Variants in HECW1 observed in about 807,000 individuals in gnomAD.
HECW1 encodes HECT, C2 and WW domain containing E3 ubiquitin protein ligase 1.
In HECW1, 61 loss-of-function variants were observed where a neutral mutation model predicts 182.3. The observed-to-expected ratio is 0.33, with a 90% confidence interval of 0.27 to 0.41. The LOEUF (loss-of-function observed/expected upper bound fraction) is 0.41. Among genes scored for constraint, HECW1 ranks in the 10% least tolerant of loss-of-function variants. The pLI is 1.00. For missense variants in HECW1, 1,739 were observed against 2,108.9 expected, an observed-to-expected ratio of 0.82 and a Z score of 3.44; for synonymous variants, 859 against 832.6, an observed-to-expected ratio of 1.03 and a Z score of -0.55.
chr7:43,231,000 CTCTG>C (rs1294700694), intron 2 of HECW1, among the ~76,000 whole-genome samples: 6 of 152,204 alleles, frequency 3.9e-5, no homozygotes, highest in African/African-American at 1.2e-4. Flanking sequence ...ACACTGAATC[CTCTG>C]TCTGTTCTGT....
chr7:43,140,512 C>T (rs1431977927), intron 2 of HECW1, among the ~76,000 whole-genome samples: 1 of 152,204 alleles, frequency 6.6e-6, no homozygotes, highest in Non-Finnish European at 1.5e-5. Context: ...AACCACACAT[C>T]GAATCCATCG....
chr7:43,133,682 T>C (rs922856907), intron 2 of HECW1, among the ~76,000 whole-genome samples: 3 of 152,082 alleles, frequency 2.0e-5, no homozygotes, highest in Non-Finnish European at 4.4e-5. Context: ...CCTCTCTTTT[T>C]CAACTAAGAT....
intron 2 of HECW1, among the ~76,000 whole-genome samples, chr7:43,216,305 C>G (rs556641613): frequency 1.4e-4 from 22 of 151,944 alleles, no homozygotes; most frequent in African/African-American, 4.8e-4. Context: ...ACCACCATGC[C>G]CAGCTAAGTT....
intron 20 of HECW1, 61 bp downstream of exon 20, chr7:43,500,843 C>T (rs973744931): frequency 5.9e-6 from 8 of 1,363,396 alleles, no homozygotes; most frequent in Middle Eastern, 1.8e-4. Flanking sequence ...TCCTCCATCA[C>T]GGCCACCCTG....
In HECW1 at chr7:43,493,158, T is replaced by A; in HGVS notation, c.3415T>A (p.Leu1139Ile). The A allele has an allele frequency of 6.2e-7, 1 of 1,613,524 alleles. No individual in the cohort carries two copies. The highest frequency in any genetic ancestry group is 8.5e-7 in the Non-Finnish European group (1 of 1,179,594). ...FEMLQERQPSLARNHTLREKI... is the reference protein window; with the variant it reads ...FEMLQERQPSIARNHTLREKI... ...AATGCTGCAAGAGCGTCAGCCAAGC[T>A]TAGCAAGAAACCACACACTCAGGTA... The change falls in exon 19 of 30, where the codon TTA (leucine) becomes ATA (isoleucine). Residue 1139 changes from leucine (L) to isoleucine (I), a missense_variant. Leu to Ile is a conservative substitution (Grantham distance 5). Around this residue, in one of 5 missense-constraint regions of HECW1, gnomAD observed 971 missense variants for 1,029.1 expected, o/e 0.94. Coordinates refer to ENST00000395891, the MANE Select transcript of HECW1 (RefSeq NM_015052.5).
intron 16 of HECW1, among the ~76,000 whole-genome samples, chr7:43,474,060 T>C (rs940118714): frequency 1.3e-5 from 2 of 152,056 alleles, no homozygotes; most frequent in African/African-American, 4.8e-5. Context: ...TTAGAAAGTT[T>C]AGAAATAAAA....
chr7:43,545,001 T>C (rs1476210587), intron 26 of HECW1, among the ~76,000 whole-genome samples: 1 of 152,228 alleles, frequency 6.6e-6, no homozygotes, highest in Non-Finnish European at 1.5e-5. Flanking sequence ...CAGTGGCTCA[T>C]GCCTGTAATC....
intron 2 of HECW1, among the ~76,000 whole-genome samples, chr7:43,174,470 C>T (rs901247424): frequency 6.6e-6 from 1 of 152,158 alleles, no homozygotes; most frequent in Non-Finnish European, 1.5e-5. Context: ...TCAGAGATAA[C>T]CCTAATTACT....
intron 5 of HECW1, among the ~76,000 whole-genome samples, chr7:43,333,730 G>A (rs965551187): frequency 2.6e-5 from 4 of 152,162 alleles, no homozygotes; most frequent in Admixed American, 6.5e-5. Context: ...AGCCCAAAAC[G>A]TTGGGTTTCC....
chr7:43,341,166 G>T (rs1360566016), intron 5 of HECW1, among the ~76,000 whole-genome samples: 3 of 151,558 alleles, frequency 2.0e-5, no homozygotes, highest in Non-Finnish European at 4.4e-5. Context: ...TCATAGGGTT[G>T]GGGGGCAGGG....
At chr7:43,318,695 A>G (rs1809652422) in intron 4 of HECW1, among the ~76,000 whole-genome samples, 1 of 152,224 alleles carries the variant, frequency 6.6e-6, no homozygotes, top group South Asian at 2.1e-4. Context: ...TGCTTTTTGC[A>G]CTTCATCTCT....
At chr7:43,392,902 C>T (rs1009575208) in intron 6 of HECW1, among the ~76,000 whole-genome samples, 1 of 152,148 alleles carries the variant, frequency 6.6e-6, no homozygotes, top group African/African-American at 2.4e-5. Flanking sequence ...TGCTGAATTG[C>T]AGTTTTAGGG....
At chr7:43,369,496 AG>A (rs1817062830) in intron 6 of HECW1, among the ~76,000 whole-genome samples, 1 of 152,172 alleles carries the variant, frequency 6.6e-6, no homozygotes, top group South Asian at 2.1e-4. Context: ...ACAATTTGAC[AG>A]TCTTGGTACT....
intron 2 of HECW1, among the ~76,000 whole-genome samples, chr7:43,160,893 G>A (rs919796133): frequency 1.1e-4 from 16 of 151,702 alleles, no homozygotes; most frequent in African/African-American, 4.8e-5. Context: ...TACAGTTGTC[G>A]TATTTATTTA....
rs559685589 is a variant in HECW1 at position 43,523,797 on chromosome 7, A to AC, written c.4019+14683dup. 3.7e-3 allele frequency among the ~76,000 whole-genome samples: 563 copies of AC among 151,192 alleles called. 2 individuals carry two copies. Among genetic ancestry groups the AC allele is most frequent in the Non-Finnish European group, 4.3e-3 (290 of 67,800 alleles). ...ATGAGGGGGATTAGATAAAAAGAAG[A>AC]CCCCCCCAATTAGTGGGGTGTAAGG... On this transcript the variant is annotated intron_variant, in intron 24 of 29. Coordinates refer to ENST00000395891, the MANE Select transcript of HECW1 (RefSeq NM_015052.5).
intron 2 of HECW1, among the ~76,000 whole-genome samples, chr7:43,193,925 C>G (rs999325046): frequency 1.3e-5 from 2 of 152,172 alleles, no homozygotes; most frequent in African/African-American, 4.8e-5. Flanking sequence ...GACAGCTTTG[C>G]AGGGCCATTT....
intron 8 of HECW1, among the ~76,000 whole-genome samples, chr7:43,416,481 T>A (rs989605632): frequency 2.8e-4 from 43 of 152,084 alleles, no homozygotes; most frequent in African/African-American, 9.9e-4. Flanking sequence ...GCTGTCTTTT[T>A]GTTTGTCTGT....
rs755738976 is a variant in HECW1 at position 43,445,230 on chromosome 7, GTGCTACAGCACGTCC to G, written c.2069_2083del (p.Thr690_Ser694del). On this transcript the variant is annotated inframe_deletion, in exon 11 of 30. Transcript: ENST00000395891. ...GCAGCCCCTCGTGCTACAGCTCCTC[GTGCTACAGCACGTCC>G]TGCTACAGCAGCTCGTGCTACAGCG... 10 of 1,613,016 alleles carry G rather than the reference GTGCTACAGCACGTCC, an allele frequency of 6.2e-6. No individual in the cohort carries two copies. The highest frequency in any genetic ancestry group is 2.7e-5 in the African/African-American group (2 of 74,900).
intron 16 of HECW1, among the ~76,000 whole-genome samples, chr7:43,477,215 TG>T (rs2078251470): frequency 6.6e-6 from 1 of 152,180 alleles, no homozygotes; most frequent in Admixed American, 6.5e-5. Context: ...CATGAACTAA[TG>T]GTAACATGAT....
Sources: allele counts gnomAD v4.1 joint callset (sites outside exome capture counted in the v4.1 genomes callset), GRCh38; gene constraint gnomAD v4.1.1; regional missense constraint gnomAD v4.1.1; transcripts MANE v1.5; gene names NCBI Gene and HGNC (gene_info 2026-07-23, HGNC 2026-07-21).